CAPZB: variants seen among roughly 807,000 people sequenced by gnomAD.
The protein encoded by CAPZB is F-actin-capping protein subunit beta.
Under a neutral mutation model 38.1 loss-of-function variants are expected in CAPZB, and 2 were observed. The observed-to-expected ratio is 0.05, with a 90% CI of 0.02 to 0.17. The LOEUF (loss-of-function observed/expected upper bound fraction) is 0.17. CAPZB is among the 10% of genes least tolerant of loss of function. CAPZB has a pLI of 1.00. For synonymous variants in CAPZB, 107 were observed against 127.4 expected (o/e 0.84, Z 1.08); for missense variants, 161 against 334.2 (o/e 0.48, Z 4.04).
chr1:19,373,230 C>T lies in CAPZB; in HGVS notation c.329+5310G>A, dbSNP rs78195581. Among the ~76,000 whole-genome samples the T allele has an allele frequency of 1.9e-3, 289 of 152,238 alleles. 1 individual carries two copies. Among genetic ancestry groups the T allele is most frequent in the African/African-American group, 6.7e-3 (280 of 41,548 alleles). ...CAGAGGGAGCCGTGAGGACACACGG[C>T]TCAGCCCCCTGCACCCCTACTCGCC... On this transcript the variant is annotated intron_variant, in intron 4 of 8. Transcript: ENST00000264202.
chr1:19,445,346 T>C (rs1172331852), intron 1 of CAPZB, among the ~76,000 whole-genome samples: 1 of 147,780 alleles, frequency 6.8e-6, no homozygotes, highest in East Asian at 2.0e-4. Context: ...GTTTCATCCA[T>C]GAGGGGGAAT....
In CAPZB at chr1:19,347,660, G is replaced by A. The variant is rs35964869; in HGVS notation, c.589-2408C>T. ...TAAGTAAAGGCCCAGCTGAGAGAACGACCAGCTTCCTATCGACAGTGTCAA... is the reference window on the plus strand; with the variant it reads ...TAAGTAAAGGCCCAGCTGAGAGAACAACCAGCTTCCTATCGACAGTGTCAA... On this transcript the variant is annotated intron_variant, in intron 6 of 8. Coordinates refer to ENST00000264202, the MANE Select transcript of CAPZB (RefSeq NM_004930.5). 9.6e-3 allele frequency among the ~76,000 whole-genome samples: 1,455 copies of A among 152,274 alleles called. 53 individuals carry two copies. The East Asian group carries it at 0.13, about 14-fold the overall frequency.
intron 4 of CAPZB, among the ~76,000 whole-genome samples, chr1:19,377,669 T>C (rs565926647): frequency 4.6e-5 from 7 of 152,346 alleles, no homozygotes; most frequent in African/African-American, 1.7e-4. Flanking sequence ...TCTGCCAACT[T>C]GAATTAGTAT....
In CAPZB at chr1:19,427,423, AATGACTTACCACAAATTTATGGAGTCTC is replaced by A. The variant is rs1206202473; in HGVS notation, c.4-7701_4-7674del. On this transcript the variant is annotated intron_variant, in intron 1 of 8. Transcript: ENST00000264202. ...AAAGGTAAACTCTGCTGGCGCCCAG[AATGACTTACCACAAATTTATGGAGTCTC>A]ACTTAACCATGGTTTGTCTTGTATA... Among the ~76,000 whole-genome samples the A allele has an allele frequency of 1.3e-4, 20 of 152,362 alleles. No individual in the cohort carries two copies. In the South Asian group the frequency reaches 3.1e-3, roughly 24 times the overall value.
At chr1:19,390,733 C>A (rs2094229316) in intron 2 of CAPZB, among the ~76,000 whole-genome samples, 2 of 152,114 alleles carry the variant, frequency 1.3e-5, no homozygotes, top group Admixed American at 1.3e-4. Context: ...AGAAAAAACC[C>A]CAGAAGGTAG....
intron 6 of CAPZB, among the ~76,000 whole-genome samples, chr1:19,353,917 T>C (rs150938864): frequency 1.3e-5 from 2 of 152,330 alleles, no homozygotes; most frequent in Non-Finnish European, 2.9e-5. Flanking sequence ...CTCCTGAGGC[T>C]ACAGGTCCAC....
At chr1:19,427,340 A>G (rs1457695368) in intron 1 of CAPZB, among the ~76,000 whole-genome samples, 2 of 152,202 alleles carry the variant, frequency 1.3e-5, no homozygotes, top group Non-Finnish European at 2.9e-5. Flanking sequence ...TAAGTTCATC[A>G]AGACCTTCAC....
rs962533725 is a variant in CAPZB at position 19,339,350 on chromosome 1, GC to G, written c.*179del. The stretch of plus-strand genomic sequence containing the variant: ...GAGGTGTGGCAGAAGCAGGCTCGGA[GC>G]CGGAGGAGGGTGGCTATCGGCTTTA... On this transcript the variant is annotated 3_prime_UTR_variant, in exon 9 of 9. Coordinates refer to ENST00000264202, the MANE Select transcript of CAPZB (RefSeq NM_004930.5). 1.5e-6 allele frequency: 1 copy of G among 656,326 alleles called. No individual in the cohort carries two copies. The highest frequency in any genetic ancestry group is 1.8e-5 in the African/African-American group (1 of 55,682). The allele number at this position is 656,326 out of a possible 1,614,324, so 40.7% of individuals were successfully genotyped here.
At chr1:19,389,550 C>T (rs950101889) in intron 2 of CAPZB, among the ~76,000 whole-genome samples, 4 of 152,062 alleles carry the variant, frequency 2.6e-5, no homozygotes, top group Non-Finnish European at 5.9e-5. Flanking sequence ...GCCTCAGCCT[C>T]CCGAGTAGCT....
At chr1:19,436,700 A>G (rs1292030847) in intron 1 of CAPZB, among the ~76,000 whole-genome samples, 1 of 152,220 alleles carries the variant, frequency 6.6e-6, no homozygotes, top group Non-Finnish European at 1.5e-5. Flanking sequence ...TACATACATT[A>G]TACTGTTATT....
At chr1:19,481,950 A>T (rs2094630687) in intron 1 of CAPZB, among the ~76,000 whole-genome samples, 1 of 152,246 alleles carries the variant, frequency 6.6e-6, no homozygotes. Context: ...TAAGCACCAC[A>T]GAGTAGGCAC....
At chr1:19,373,548 G>C (rs756337183) in intron 4 of CAPZB, among the ~76,000 whole-genome samples, 26 of 152,174 alleles carry the variant, frequency 1.7e-4, no homozygotes, top group Non-Finnish European at 2.6e-4. Flanking sequence ...GTGGCAGAGG[G>C]AGCCTCTGGG....
At chr1:19,433,606 C>A (rs1237054679) in intron 1 of CAPZB, among the ~76,000 whole-genome samples, 1 of 152,066 alleles carries the variant, frequency 6.6e-6, no homozygotes, top group Non-Finnish European at 1.5e-5. Context: ...GATGGGAAAG[C>A]AAAAAGGTTT....
At chr1:19,374,130 C>T (rs2094133194) in intron 4 of CAPZB, 1 of 152,384 alleles carries the variant, frequency 6.6e-6, no homozygotes, top group Non-Finnish European at 1.5e-5. Context: ...AGTCTTCTGG[C>T]ATGAGCCAGC....
chr1:19,468,319 T>A (rs2094575059), intron 1 of CAPZB, among the ~76,000 whole-genome samples: 1 of 152,246 alleles, frequency 6.6e-6, no homozygotes, highest in South Asian at 2.1e-4. Context: ...TTTTATTTAA[T>A]GATACTATCA....
chr1:19,441,779 G>A (rs536826191), intron 1 of CAPZB, among the ~76,000 whole-genome samples: 5 of 151,954 alleles, frequency 3.3e-5, no homozygotes, highest in South Asian at 2.1e-4. Context: ...AGGCCGAGGC[G>A]GGCAGATCAC....
At chr1:19,348,970 G>A (rs1207044019) in intron 6 of CAPZB, among the ~76,000 whole-genome samples, 1 of 152,056 alleles carries the variant, frequency 6.6e-6, no homozygotes, top group South Asian at 2.1e-4. Flanking sequence ...GAGGAATCTC[G>A]ACCCTCAGAC....
At chr1:19,363,498 C>T (rs892127491) in intron 4 of CAPZB, among the ~76,000 whole-genome samples, 4 of 152,124 alleles carry the variant, frequency 2.6e-5, no homozygotes, top group African/African-American at 9.6e-5. Context: ...GTCATAGTCA[C>T]GGATATAGAT....
chr1:19,370,343 C>T (rs763398911), intron 4 of CAPZB, among the ~76,000 whole-genome samples: 3 of 152,206 alleles, frequency 2.0e-5, no homozygotes, highest in Non-Finnish European at 2.9e-5. Context: ...AAGTTGCCCT[C>T]GGGGCCAAGG....
Sources: allele counts gnomAD v4.1 joint callset (sites outside exome capture counted in the v4.1 genomes callset), GRCh38; gene constraint gnomAD v4.1.1; transcripts MANE v1.5; gene names NCBI Gene and HGNC (gene_info 2026-07-23, HGNC 2026-07-21).